The following RPS6KA6 variants were observed in gnomAD, a reference collection of about 807,000 sequenced individuals.
RPS6KA6 encodes the protein ribosomal protein S6 kinase A6.
RPS6KA6 carries 27 observed loss-of-function variants against 65.4 expected under a neutral mutation model. The ratio of observed to expected loss-of-function variants is 0.41; its 90% CI spans 0.30 to 0.57. The LOEUF (loss-of-function observed/expected upper bound fraction) is 0.57, where lower values mean the gene tolerates loss of function less well. RPS6KA6 is among the 20% of genes least tolerant of loss of function. RPS6KA6 has a pLI of 0.24. For missense variants in RPS6KA6, 486 were observed against 555.6 expected (o/e 0.87, Z 1.26); for synonymous variants, 190 against 184.2 (o/e 1.03, Z -0.26).
chrX:84,059,164 C>A lies in RPS6KA6; in HGVS notation c.*5113G>T. On this transcript the variant is annotated 3_prime_UTR_variant, in exon 22 of 22. Coordinates refer to ENST00000262752, the MANE Select transcript of RPS6KA6 (RefSeq NM_014496.5). ...TTTTTTTGTGAGACGGAGTTTCGCTCTTGTTGCCCAGGCTGGAGTGAAATT... is the reference window on the plus strand; with the variant it reads ...TTTTTTTGTGAGACGGAGTTTCGCTATTGTTGCCCAGGCTGGAGTGAAATT... The A allele has an allele frequency of 1.7e-5, 1 of 58,317 alleles. No homozygotes were observed. Among genetic ancestry groups the A allele is most frequent in the East Asian group, 5.8e-4 (1 of 1,726 alleles). 4.8% of individuals were successfully genotyped at this position (58,317 alleles called of 1,213,427 possible). A position where few individuals can be genotyped will look rare whatever the true frequency, so the allele number is the denominator to read the frequency against.
At chrX:84,124,880 T>G (rs1038983014) in intron 8 of RPS6KA6, among the ~76,000 whole-genome samples, 1 of 111,786 alleles carries the variant, frequency 8.9e-6, no homozygotes, top group Admixed American at 9.5e-5. Flanking sequence ...ACTCCAAAAG[T>G]TCATTGATAA....
intron 8 of RPS6KA6, among the ~76,000 whole-genome samples, chrX:84,124,734 G>A (rs1230037104): frequency 9.0e-6 from 1 of 111,450 alleles, no homozygotes; most frequent in East Asian, 2.8e-4. Flanking sequence ...AGACGGATAA[G>A]AAGTGTATTC....
chrX:84,072,254 A>G (rs778843973), intron 20 of RPS6KA6, among the ~76,000 whole-genome samples: 1 of 112,321 alleles, frequency 8.9e-6, no homozygotes, highest in African/African-American at 3.2e-5. Flanking sequence ...GGTTCAACAC[A>G]TGCAAATTAA....
At chrX:84,182,085 ACACACACG>A (rs774304962) in intron 1 of RPS6KA6, among the ~76,000 whole-genome samples, 172 of 107,421 alleles carry the variant, frequency 1.6e-3, no homozygotes, top group African/African-American at 5.8e-3. Context: ...ACACACACAC[ACACACACG>A]TGCACACAAA....
chrX:84,123,533 T>C (rs2034718161), intron 8 of RPS6KA6, among the ~76,000 whole-genome samples: 1 of 112,433 alleles, frequency 8.9e-6, no homozygotes, highest in South Asian at 3.7e-4. Flanking sequence ...AAGTGAACAT[T>C]GCCAGTGGCC....
chrX:84,150,664 C>T (rs2035283957), intron 3 of RPS6KA6, among the ~76,000 whole-genome samples: 1 of 108,389 alleles, frequency 9.2e-6, no homozygotes, highest in East Asian at 2.9e-4. Flanking sequence ...TGGTTCATGG[C>T]ACCCCGAAAC....
intron 3 of RPS6KA6, among the ~76,000 whole-genome samples, chrX:84,152,851 T>C (rs925367530): frequency 9.0e-6 from 1 of 111,461 alleles, no homozygotes; most frequent in Non-Finnish European, 1.9e-5. Context: ...GATAGGGTGC[T>C]TAAAGAAATA....
At chrX:84,170,703 A>G (rs1451871118) in intron 1 of RPS6KA6, among the ~76,000 whole-genome samples, 1 of 111,325 alleles carries the variant, frequency 9.0e-6, no homozygotes, top group Admixed American at 9.5e-5. Context: ...AAAATAAAAC[A>G]GAGAAAGAAA....
intron 1 of RPS6KA6, among the ~76,000 whole-genome samples, chrX:84,165,893 C>A (rs139748071): frequency 0.011 from 1,198 of 111,266 alleles, 19 homozygotes; most frequent in African/African-American, 0.034. Context: ...TTGTGGCCAG[C>A]AGAACAGAAT....
chrX:84,108,771 T>C (rs780458358), intron 12 of RPS6KA6, among the ~76,000 whole-genome samples: 101 of 111,825 alleles, frequency 9.0e-4, no homozygotes, highest in African/African-American at 3.0e-3. Flanking sequence ...CGCCGGCTGC[T>C]GCCACCTCAC....
chrX:84,123,585 A>G (rs1238143448), intron 8 of RPS6KA6, among the ~76,000 whole-genome samples: 1 of 112,419 alleles, frequency 8.9e-6, no homozygotes, highest in East Asian at 2.8e-4. Flanking sequence ...TGATGGCTAT[A>G]GGGAGAGGCC....
At chrX:84,126,605 A>C (rs912814508) in intron 8 of RPS6KA6, among the ~76,000 whole-genome samples, 1 of 111,749 alleles carries the variant, frequency 8.9e-6, no homozygotes, top group Admixed American at 9.5e-5. Context: ...ATCACAAAAC[A>C]AGTCTTAATA....
intron 17 of RPS6KA6, 73 bp from the exon 18 acceptor site, chrX:84,102,271 A>C: frequency 1.9e-6 from 1 of 536,609 alleles, no homozygotes; most frequent in Non-Finnish European, 2.6e-6. Context: ...CATTATATCT[A>C]TATAATTAAC....
In RPS6KA6 at chrX:84,134,924, T is replaced by C. The variant is rs2034965900; in HGVS notation, c.609-105A>G. ...GATAGGTCAGTATCTATTTAATATA[T>C]GTAAAAAATTTAAATGATTAACTTA... On this transcript the variant is annotated intron_variant, in intron 7 of 21. Transcript: ENST00000262752. The C allele has an allele frequency of 9.4e-6, 6 of 636,353 alleles. No individual in the cohort carries two copies. In the East Asian group the frequency reaches 1.1e-4, roughly 12 times the overall value. The allele number at this position is 636,353 out of a possible 1,213,427, so 52.4% of individuals were successfully genotyped here. A position where few individuals can be genotyped will look rare whatever the true frequency, so the allele number is the denominator to read the frequency against.
At chrX:84,159,692 T>C (rs1400957667) in intron 2 of RPS6KA6, among the ~76,000 whole-genome samples, 1 of 110,626 alleles carries the variant, frequency 9.0e-6, no homozygotes, top group African/African-American at 3.3e-5. Context: ...CTAAATTATG[T>C]CCCCTAACAG....
At chrX:84,092,977 A>G (rs1188434742) in intron 20 of RPS6KA6, among the ~76,000 whole-genome samples, 3 of 112,436 alleles carry the variant, frequency 2.7e-5, no homozygotes, top group African/African-American at 9.7e-5. Context: ...TAGTGTGTAT[A>G]TACACAATGA....
At chrX:84,131,368 T>C (rs1423506248) in intron 8 of RPS6KA6, among the ~76,000 whole-genome samples, 1 of 112,648 alleles carries the variant, frequency 8.9e-6, no homozygotes, top group Non-Finnish European at 1.9e-5. Context: ...TAGCTTAATG[T>C]ATTTTAACTT....
intron 1 of RPS6KA6, among the ~76,000 whole-genome samples, chrX:84,168,410 C>A (rs1476018275): frequency 9.0e-6 from 1 of 111,471 alleles, no homozygotes; most frequent in East Asian, 2.8e-4. Flanking sequence ...GAATTCTTGA[C>A]CCCTGCTTCA....
At chrX:84,074,437 G>A (rs1025291856) in intron 20 of RPS6KA6, among the ~76,000 whole-genome samples, 2 of 111,311 alleles carry the variant, frequency 1.8e-5, no homozygotes, top group Admixed American at 9.5e-5. Context: ...AGTAAGTTCT[G>A]GTGCTCTGTT....
Sources: gnomAD v4.1 joint callset for allele counts (sites outside exome capture counted in the v4.1 genomes callset) on GRCh38, gnomAD v4.1.1 for gene constraint, MANE v1.5 for transcripts, NCBI Gene and HGNC (gene_info 2026-07-23, HGNC 2026-07-21) for gene names.